Variants in DTNB observed in about 807,000 individuals in gnomAD.
DTNB encodes the protein dystrobrevin beta.
In DTNB, 63 loss-of-function variants were observed where a neutral mutation model predicts 90.7. The observed-to-expected ratio is 0.69, with a 90% CI of 0.57 to 0.86. The LOEUF is 0.86. DTNB is among the 40% of genes least tolerant of loss of function. The pLI is 0.00. For synonymous variants in DTNB, 277 were observed against 286.7 expected (o/e 0.97, Z 0.34); for missense variants, 744 against 807.1 (o/e 0.92, Z 0.95).
chr2:25,604,605 A>AT (rs1206399915), intron 5 of DTNB, among the ~76,000 whole-genome samples: 3 of 151,614 alleles, frequency 2.0e-5, no homozygotes, highest in Admixed American at 6.6e-5. Flanking sequence ...TTATTTATTT[A>AT]TTTTTTTGAG....
intron 1 of DTNB, among the ~76,000 whole-genome samples, chr2:25,657,362 G>A (rs2082266808): frequency 6.6e-6 from 1 of 152,066 alleles, no homozygotes; most frequent in South Asian, 2.1e-4. Context: ...TGAAAAGACA[G>A]GCAACTGAGT....
At chr2:25,650,971 AAAAT>A (rs1227895555) in intron 2 of DTNB, among the ~76,000 whole-genome samples, 1 of 148,292 alleles carries the variant, frequency 6.7e-6, no homozygotes, top group Non-Finnish European at 1.5e-5. Flanking sequence ...AAAAAAAAAA[AAAAT>A]AATAATAATA....
Position 25,615,979 on chromosome 2 carries a change from T to G in DTNB, c.363-8658A>C, listed in dbSNP as rs982699618. ...AGAACCACCAACATAGAGCTTTGAA[T>G]GCAAGAGTAAGACTTTAGCTTTTAT... On this transcript the variant is annotated intron_variant, in intron 4 of 20. Transcript: ENST00000406818. 7.2e-5 allele frequency among the ~76,000 whole-genome samples: 11 copies of G among 152,354 alleles called. No individual in the cohort carries two copies. The East Asian group carries it at 2.1e-3, about 29-fold the overall frequency.
At chr2:25,392,409 C>G (rs2041376887) in intron 16 of DTNB, among the ~76,000 whole-genome samples, 1 of 151,936 alleles carries the variant, frequency 6.6e-6, no homozygotes, top group African/African-American at 2.4e-5. Context: ...GACTCCATCT[C>G]AAAAATGAAT....
At chr2:25,648,459 G>T (rs936493468) in intron 2 of DTNB, among the ~76,000 whole-genome samples, 6 of 151,932 alleles carry the variant, frequency 3.9e-5, no homozygotes, top group Admixed American at 1.3e-4. Context: ...AATAGTAAAG[G>T]TAACACAAGG....
chr2:25,445,458 C>T (rs1339217737), intron 12 of DTNB, among the ~76,000 whole-genome samples: 1 of 152,164 alleles, frequency 6.6e-6, no homozygotes, highest in Non-Finnish European at 1.5e-5. Flanking sequence ...GGATAAGTTA[C>T]TTTTTGGGGG....
chr2:25,639,804 GCT>G, intron 2 of DTNB, among the ~76,000 whole-genome samples: 1 of 152,298 alleles, frequency 6.6e-6, no homozygotes, highest in Non-Finnish European at 1.5e-5. Flanking sequence ...GGCATAGCTT[GCT>G]CTGCTCTTGC....
chr2:25,615,637 G>A (rs760228844), intron 4 of DTNB, among the ~76,000 whole-genome samples: 12 of 152,124 alleles, frequency 7.9e-5, no homozygotes, highest in African/African-American at 1.2e-4. Flanking sequence ...CCCGGGCAGC[G>A]ATCAAACGTT....
intron 4 of DTNB, among the ~76,000 whole-genome samples, chr2:25,613,114 A>T (rs1573419246): frequency 6.6e-6 from 1 of 151,928 alleles, no homozygotes; most frequent in East Asian, 1.9e-4. Context: ...TATTTTATTC[A>T]TTTATTTATT....
chr2:25,560,947 A>G (rs2058169706), intron 8 of DTNB, among the ~76,000 whole-genome samples: 2 of 152,292 alleles, frequency 1.3e-5, no homozygotes, highest in South Asian at 2.1e-4. Flanking sequence ...ATTCTTCTTC[A>G]GCAACTGTTC....
rs557622746 is a variant in DTNB, at chr2:25,616,555, T to C, written c.363-9234A>G. On this transcript the variant is annotated intron_variant, in intron 4 of 20. Transcript: ENST00000406818. ...GTATTTTTCCATTCATTAAGATTAT[T>C]ATTAGTCTCAATGGCTGGTCTCCGA... Among the ~76,000 whole-genome samples the C allele has an allele frequency of 2.1e-4, 32 of 149,762 alleles. No homozygotes were observed. In the East Asian group the frequency reaches 6.1e-3, roughly 28 times the overall value.
At chr2:25,440,405 T>C (rs568156911) in intron 12 of DTNB, among the ~76,000 whole-genome samples, 1 of 152,366 alleles carries the variant, frequency 6.6e-6, no homozygotes, top group South Asian at 2.1e-4. Context: ...GTAAGACAGC[T>C]GTAAAGATTT....
intron 16 of DTNB, among the ~76,000 whole-genome samples, chr2:25,406,574 A>G (rs2149689578): frequency 6.6e-6 from 1 of 151,958 alleles, no homozygotes; most frequent in East Asian, 1.9e-4. Context: ...CTTGGCCAAC[A>G]TTGGCCAACA....
chr2:25,667,663 T>G (rs1419351396), intron 1 of DTNB, among the ~76,000 whole-genome samples: 1 of 152,212 alleles, frequency 6.6e-6, no homozygotes, highest in Non-Finnish European at 1.5e-5. Context: ...ATTTTAAAAA[T>G]TATTGGGAAT....
chr2:25,455,445 G>C lies in DTNB; in HGVS notation c.1129C>G (p.Leu377Val). The C allele has an allele frequency of 6.2e-7, 1 of 1,606,724 alleles. No homozygotes were observed. Among genetic ancestry groups the C allele is most frequent in the Non-Finnish European group, 8.5e-7 (1 of 1,176,814 alleles). ...AGACGGGCCACATAGGAGGCTATCA[G>C]CGCATGCTCATCGGCCAAGTGACTG... ...IPSHLADEHA[L>V]IASYVARLQH... The change falls in exon 11 of 21, where the codon CTG (leucine) becomes GTG (valine). Residue 377 changes from leucine (L) to valine (V), a missense_variant. Transcript: ENST00000406818.
At chr2:25,582,752 A>G (rs1365249912) in intron 6 of DTNB, among the ~76,000 whole-genome samples, 1 of 152,176 alleles carries the variant, frequency 6.6e-6, no homozygotes, top group East Asian at 1.9e-4. Context: ...TACCTACCCA[A>G]ATAGGCTAAA....
At chr2:25,402,162 C>T (rs75296045) in intron 16 of DTNB, among the ~76,000 whole-genome samples, 1,848 of 152,310 alleles carry the variant, frequency 0.012, 25 homozygotes, top group African/African-American at 0.042. Flanking sequence ...GCTGTCTCAT[C>T]AAAGTGGACG....
chr2:25,383,681 G>A (rs2038561163), intron 19 of DTNB, 155 bp downstream of exon 19: 1 of 1,501,652 alleles, frequency 6.7e-7, no homozygotes, highest in East Asian at 2.3e-5. Flanking sequence ...GGTAAAACCT[G>A]ACTGTCAGAT....
At chr2:25,532,259 A>G (rs1207603098) in intron 8 of DTNB, among the ~76,000 whole-genome samples, 2 of 151,922 alleles carry the variant, frequency 1.3e-5, no homozygotes, top group Non-Finnish European at 2.9e-5. Context: ...AAAAAAAAAA[A>G]AAAAAAAGAA....
Sources: gnomAD v4.1 joint callset for allele counts (sites outside exome capture counted in the v4.1 genomes callset) on GRCh38, gnomAD v4.1.1 for gene constraint, MANE v1.5 for transcripts, NCBI Gene and HGNC (gene_info 2026-07-23, HGNC 2026-07-21) for gene names.